Variants in ADAMTS5 observed in about 807,000 individuals in gnomAD.
ADAMTS5 encodes A disintegrin and metalloproteinase with thrombospondin motifs 5.
ADAMTS5 carries 54 observed loss-of-function variants against 81.4 expected under a neutral mutation model. That is an observed-to-expected ratio of 0.66 (90% CI 0.53 to 0.83). The LOEUF is 0.83. Among genes scored for constraint, ADAMTS5 ranks in the 40% least tolerant of loss-of-function variants. ADAMTS5 has a pLI of 0.00. For synonymous variants in ADAMTS5, 532 were observed against 508.8 expected (o/e 1.05, Z -0.61); for missense variants, 1,194 against 1,229.9 (o/e 0.97, Z 0.44).
chr21:26,953,463 A>T (rs1031496941), intron 2 of ADAMTS5, among the ~76,000 whole-genome samples: 2 of 152,248 alleles, frequency 1.3e-5, no homozygotes, highest in African/African-American at 4.8e-5. Flanking sequence ...CTGCGGCAAT[A>T]TTGTGAATTA....
intron 7 of ADAMTS5, 48 bp from the exon 8 acceptor site, chr21:26,924,668 A>G: frequency 6.8e-7 from 1 of 1,467,016 alleles, no homozygotes; most frequent in Non-Finnish European, 9.2e-7. Flanking sequence ...GGTTAAAAAA[A>G]GGGAGAAAAA....
At chr21:26,928,614 T>TTTCC (rs141744438) in intron 7 of ADAMTS5, among the ~76,000 whole-genome samples, 23 of 138,790 alleles carry the variant, frequency 1.7e-4, no homozygotes, top group Admixed American at 5.2e-4. Flanking sequence ...TTCCTTTTTC[T>TTTCC]TTCCTTCCTT....
At chr21:26,964,852 G>A (rs1987605884) in intron 1 of ADAMTS5, among the ~76,000 whole-genome samples, 1 of 152,218 alleles carries the variant, frequency 6.6e-6, no homozygotes, top group South Asian at 2.1e-4. Flanking sequence ...TGAGTACCGT[G>A]AGTGAACCAT....
intron 1 of ADAMTS5, among the ~76,000 whole-genome samples, chr21:26,959,515 T>C (rs979793900): frequency 2.6e-5 from 4 of 152,312 alleles, no homozygotes; most frequent in Middle Eastern, 3.4e-3. Context: ...AGTCATCACA[T>C]ACGTTATTCT....
At chr21:26,927,333 A>T (rs1986822564) in intron 7 of ADAMTS5, among the ~76,000 whole-genome samples, 1 of 152,212 alleles carries the variant, frequency 6.6e-6, no homozygotes, top group Non-Finnish European at 1.5e-5. Flanking sequence ...GAAACGGAGT[A>T]AGGTAAGAAG....
At chr21:26,954,622 T>C (rs162506) in intron 2 of ADAMTS5, 117 bp downstream of exon 2, 461,242 of 1,449,358 alleles carry the variant, frequency 0.32, 76,942 homozygotes, top group Non-Finnish European at 0.34. Flanking sequence ...CAAATTTAAT[T>C]CCCAGTGGTA....
At chr21:26,940,852 A>G (rs1053881651) in intron 3 of ADAMTS5, among the ~76,000 whole-genome samples, 3 of 152,092 alleles carry the variant, frequency 2.0e-5, no homozygotes, top group Non-Finnish European at 4.4e-5. Context: ...TCATCTCTAA[A>G]GTGGGTTTGG....
rs796511376 is a variant in ADAMTS5, at chr21:26,925,557, C to G, written c.2226-937G>C. 2.0e-5 allele frequency among the ~76,000 whole-genome samples: 3 copies of G among 152,102 alleles called. No individual in the cohort carries two copies. In the East Asian group the frequency reaches 5.8e-4, roughly 29 times the overall value. On this transcript the variant is annotated intron_variant, in intron 7 of 7. Coordinates refer to ENST00000284987, the MANE Select transcript of ADAMTS5 (RefSeq NM_007038.5). Reference sequence around the variant, plus strand: ...TAGGATGGAAATGCTAATTAAGCACCAAGGGTGAAATGACGAGTCAACTTT... The same window carrying G: ...TAGGATGGAAATGCTAATTAAGCACGAAGGGTGAAATGACGAGTCAACTTT...
intron 2 of ADAMTS5, among the ~76,000 whole-genome samples, chr21:26,951,678 TCAAAAAAAAAAAAAAAAAAAAAAAA>T (rs1987319188): frequency 1.9e-5 from 1 of 53,010 alleles, no homozygotes; most frequent in African/African-American, 9.2e-5. Flanking sequence ...ACCCTCCATC[TCAAAAAAAAAAAAAAAAAAAAAAAA>T]AAAAAAAAAA....
Position 26,962,343 on chromosome 21 carries a change from C to G in ADAMTS5, c.1104+2945G>C, listed in dbSNP as rs561682408. On this transcript the variant is annotated intron_variant, in intron 1 of 7. Transcript: ENST00000284987. ...AGATTGGATTTCTACTGTTTGATGG[C>G]AGAAGTGGTGTGAATTCCAGCATTA... Among the ~76,000 whole-genome samples, 12 of 152,272 alleles carry G rather than the reference C, an allele frequency of 7.9e-5. No homozygotes were observed. In the South Asian group the frequency reaches 2.3e-3, roughly 29 times the overall value.
chr21:26,930,125 A>G (rs956426717), intron 6 of ADAMTS5, 64 bp from the exon 7 acceptor site: 9 of 1,520,034 alleles, frequency 5.9e-6, no homozygotes, highest in Non-Finnish European at 7.2e-6. Context: ...CCTTTGGTCA[A>G]CTAGTAAGTT....
At position 26,965,699 on chromosome 21, in the gene ADAMTS5, G is replaced by C; in HGVS notation, c.693C>G (p.Arg231=). ...CCAAGAGCTGCGAGGCCAGTGCTGC[G>C]CGTCCGCTCGGGTTGCTGTGCGCCG... The part of the protein sequence containing the change: ...HAPAHSNPSG[R]AALASQLLDQ... Residue 231 remains arginine, a synonymous_variant, in exon 1 of 8, where the codon CGC becomes CGG. Transcript: ENST00000284987. 1.3e-6 allele frequency: 2 copies of C among 1,581,432 alleles called. No homozygotes were observed. The highest frequency in any genetic ancestry group is 1.7e-6 in the Non-Finnish European group (2 of 1,166,036).
In ADAMTS5 at chr21:26,934,679, A is replaced by G; in HGVS notation, c.1476T>C (p.Asp492=). 4 of 1,614,198 alleles carry G rather than the reference A, an allele frequency of 2.5e-6. No homozygotes were observed. The highest frequency in any genetic ancestry group is 1.1e-5 in the South Asian group (1 of 91,088). The change falls in exon 4 of 8, where the codon GAT becomes GAC. Residue 492 remains aspartate, a synonymous_variant. Coordinates refer to ENST00000284987, the MANE Select transcript of ADAMTS5 (RefSeq NM_007038.5). ...ATGTCAGGTTGCACTGCTGGGTGGCATCGTAGGTCTGTCCTGGGAGTTCTT... is the reference window on the plus strand; with the variant it reads ...ATGTCAGGTTGCACTGCTGGGTGGCGTCGTAGGTCTGTCCTGGGAGTTCTT... ...GPEELPGQTY[D]ATQQCNLTFG...
rs951517631 is a variant in ADAMTS5 at position 26,922,613 on chromosome 21, G to T, written c.*1440C>A. ...GGGTGTACATTTTATCATCTAAAAAGATATCTTTAGGTGTGTGCTTATAAA... is the reference window on the plus strand; with the variant it reads ...GGGTGTACATTTTATCATCTAAAAATATATCTTTAGGTGTGTGCTTATAAA... On this transcript the variant is annotated 3_prime_UTR_variant, in exon 8 of 8. Coordinates refer to ENST00000284987, the MANE Select transcript of ADAMTS5 (RefSeq NM_007038.5). 5.3e-5 allele frequency: 8 copies of T among 152,002 alleles called. No homozygotes were observed. The highest frequency in any genetic ancestry group is 3.9e-4 in the Admixed American group (6 of 15,260). 9.4% of individuals were successfully genotyped at this position (152,002 alleles called of 1,614,324 possible).
In ADAMTS5 at chr21:26,924,130, T is replaced by A. The variant is rs1986755092; in HGVS notation, c.2716A>T (p.Asn906Tyr). The A allele has an allele frequency of 1.2e-6, 2 of 1,612,984 alleles. No homozygotes were observed. The highest frequency in any genetic ancestry group is 1.7e-6 in the Non-Finnish European group (2 of 1,178,980). The change falls in exon 8 of 8, where the codon AAC becomes TAC. Residue 906 changes from asparagine (N) to tyrosine (Y), a missense_variant. Asn to Tyr is a moderately radical substitution (Grantham distance 143). This residue lies in a region of ADAMTS5 where 696 missense variants were observed against 817.6 expected (regional missense o/e 0.85). Coordinates refer to ENST00000284987, the MANE Select transcript of ADAMTS5 (RefSeq NM_007038.5). ...HTRTVQCQDGNRKLAKGCPLS... is the reference protein window; with the variant it reads ...HTRTVQCQDGYRKLAKGCPLS... ...GGACATCCTTTTGCTAACTTCCGGT[T>A]TCCATCCTGGCACTGCACCGTTCTG... is the stretch of plus-strand genomic sequence containing the variant.
intron 7 of ADAMTS5, among the ~76,000 whole-genome samples, chr21:26,927,631 A>G (rs1469861112): frequency 1.3e-5 from 2 of 152,180 alleles, no homozygotes; most frequent in African/African-American, 4.8e-5. Context: ...AGAGATTACA[A>G]AACAGTCTTG....
chr21:26,926,971 G>A (rs1431517871), intron 7 of ADAMTS5, among the ~76,000 whole-genome samples: 1 of 152,146 alleles, frequency 6.6e-6, no homozygotes, highest in Non-Finnish European at 1.5e-5. Flanking sequence ...ACAAGCACTA[G>A]TAAACCTGAG....
In ADAMTS5 at chr21:26,934,482, T is replaced by C. The variant is rs1986973046; in HGVS notation, c.1673A>G (p.Lys558Arg). 1 of 1,614,106 alleles carries C rather than the reference T, an allele frequency of 6.2e-7. No individual in the cohort carries two copies. The highest frequency in any genetic ancestry group is 1.1e-5 in the South Asian group (1 of 91,084). ...ATCACTTACTGAATAATATTTTTTC[T>C]TGGTTTTGTCCACACATTTGCCCTG... Reference protein sequence around the residue: ...CLQGKCVDKTKKKYYSTSSHG... With the variant: ...CLQGKCVDKTRKKYYSTSSHG... Residue 558 changes from lysine to arginine, a missense_variant, in exon 4 of 8, where the codon AAG (lysine) becomes AGG (arginine). Lys to Arg is a conservative substitution (Grantham distance 26). Transcript: ENST00000284987.
chr21:26,951,367 G>A (rs1465414454), intron 2 of ADAMTS5, among the ~76,000 whole-genome samples: 1 of 152,096 alleles, frequency 6.6e-6, no homozygotes, highest in Non-Finnish European at 1.5e-5. Context: ...ATTTTGGAAT[G>A]AGGCTAGAGT....
Sources: gnomAD v4.1 joint callset for allele counts (sites outside exome capture counted in the v4.1 genomes callset) on GRCh38, gnomAD v4.1.1 for gene constraint, gnomAD v4.1.1 regional missense constraint, MANE v1.5 for transcripts, NCBI Gene and HGNC (gene_info 2026-07-23, HGNC 2026-07-21) for gene names.